Variants in GNAT3 observed in about 807,000 individuals in gnomAD.
The protein encoded by GNAT3 is guanine nucleotide-binding protein G(t) subunit alpha-3.
In GNAT3, 31 loss-of-function variants were observed where a neutral mutation model predicts 37.7. That is an observed-to-expected ratio of 0.82 (90% CI 0.62 to 1.11). The LOEUF is 1.11. GNAT3 is among the 50% of genes most tolerant of loss of function. The probability of loss-of-function intolerance (pLI) is 0.00; values close to 1 mark genes in which losing one functional copy is unlikely to be tolerated. For missense variants in GNAT3, 437 were observed against 412.5 expected (o/e 1.06, Z -0.51); for synonymous variants, 138 against 139.8 (o/e 0.99, Z 0.09).
In GNAT3 at chr7:80,486,101, T is replaced by G. The variant is rs1428195151; in HGVS notation, c.303+2434A>C. On this transcript the variant is annotated intron_variant, in intron 3 of 7. Coordinates refer to ENST00000398291, the MANE Select transcript of GNAT3 (RefSeq NM_001102386.3). Reference sequence around the variant, plus strand: ...TGTAGGTAGTGTTTAGCAATCAATCTGTTAAATAAACAATTTTAAACAGGT... The same window carrying G: ...TGTAGGTAGTGTTTAGCAATCAATCGGTTAAATAAACAATTTTAAACAGGT... Among the ~76,000 whole-genome samples the G allele has an allele frequency of 3.3e-5, 5 of 152,336 alleles. No homozygotes were observed. The East Asian group carries it at 9.6e-4, about 29-fold the overall frequency.
At chr7:80,460,911 G>A (rs1190533913) in intron 7 of GNAT3, among the ~76,000 whole-genome samples, 2 of 151,930 alleles carry the variant, frequency 1.3e-5, no homozygotes, top group Non-Finnish European at 2.9e-5. Flanking sequence ...GGAACTCTTT[G>A]TACTTTCTGT....
At chr7:80,478,141 C>A (rs978563815) in intron 4 of GNAT3, among the ~76,000 whole-genome samples, 3 of 152,354 alleles carry the variant, frequency 2.0e-5, no homozygotes, top group African/African-American at 7.2e-5. Flanking sequence ...AAATTCCTTA[C>A]TTCAAGCTGT....
At chr7:80,494,305 C>T (rs1790672468) in intron 2 of GNAT3, among the ~76,000 whole-genome samples, 2 of 152,002 alleles carry the variant, frequency 1.3e-5, no homozygotes, top group Admixed American at 6.6e-5. Context: ...AAATATTTAC[C>T]GTTAATGATC....
chr7:80,472,313 A>T (rs775190830), intron 5 of GNAT3, among the ~76,000 whole-genome samples: 3 of 152,096 alleles, frequency 2.0e-5, no homozygotes, highest in Non-Finnish European at 4.4e-5. Context: ...CAAGAGCTAC[A>T]ATCAGCCAGC....
At chr7:80,469,523 G>A (rs770758712) in intron 5 of GNAT3, among the ~76,000 whole-genome samples, 1 of 152,096 alleles carries the variant, frequency 6.6e-6, no homozygotes, top group African/African-American at 2.4e-5. Context: ...GTTCTGGTTT[G>A]ATAAGAACTC....
intron 5 of GNAT3, among the ~76,000 whole-genome samples, chr7:80,471,467 G>A (rs1379671560): frequency 6.6e-6 from 1 of 151,908 alleles, no homozygotes; most frequent in Non-Finnish European, 1.5e-5. Flanking sequence ...CTCAGAAAAT[G>A]ACCATGATTT....
At chr7:80,496,502 T>G (rs1790719579) in intron 1 of GNAT3, among the ~76,000 whole-genome samples, 1 of 150,808 alleles carries the variant, frequency 6.6e-6, no homozygotes, top group Non-Finnish European at 1.5e-5. Context: ...TTCACTTCTT[T>G]CCTAACACTT....
chr7:80,461,062 ATAT>A (rs994797182), intron 7 of GNAT3, among the ~76,000 whole-genome samples: 53 of 150,956 alleles, frequency 3.5e-4, no homozygotes, highest in African/African-American at 8.2e-4. Context: ...TATGCAAAAT[ATAT>A]TATTATACTT....
Position 80,484,548 on chromosome 7 carries a change from T to C in GNAT3, c.303+3987A>G, listed in dbSNP as rs75929399. ...TGCTCAAATTATGTAGTAAAAGTGT[T>C]ACAATTTTCAGCATTCTTTTATGTC... On this transcript the variant is annotated intron_variant, in intron 3 of 7. Transcript: ENST00000398291. 3.3e-3 allele frequency among the ~76,000 whole-genome samples: 495 copies of C among 152,172 alleles called. 4 individuals carry two copies. The highest frequency in any genetic ancestry group is 0.011 in the African/African-American group (473 of 41,556).
intron 3 of GNAT3, 60 bp downstream of exon 3, chr7:80,488,475 C>A: frequency 1.4e-6 from 2 of 1,415,530 alleles, no homozygotes; most frequent in East Asian, 4.8e-5. Flanking sequence ...ATTAAGTCCT[C>A]TTATTTTATG....
intron 1 of GNAT3, among the ~76,000 whole-genome samples, chr7:80,506,538 C>A (rs1031321789): frequency 6.6e-6 from 1 of 152,148 alleles, no homozygotes; most frequent in Admixed American, 6.5e-5. Flanking sequence ...TATTTGGCAA[C>A]TTTTCTGAAA....
At chr7:80,463,291 A>C (rs1790081857) in intron 5 of GNAT3, among the ~76,000 whole-genome samples, 1 of 152,040 alleles carries the variant, frequency 6.6e-6, no homozygotes, top group Non-Finnish European at 1.5e-5. Context: ...GTGTTTGAAA[A>C]CTCAGCCTTT....
Position 80,462,248 on chromosome 7 carries a change from G to A in GNAT3, c.785C>T (p.Thr262Ile), listed in dbSNP as rs1450242803. The A allele has an allele frequency of 6.2e-7, 1 of 1,611,472 alleles. No individual in the cohort carries two copies. Among genetic ancestry groups the A allele is most frequent in the Admixed American group, 1.7e-5 (1 of 59,944 alleles). The change falls in exon 7 of 8, where the codon ACC becomes ATC. Residue 262 changes from threonine (T) to isoleucine (I), a missense_variant. Coordinates refer to ENST00000398291, the MANE Select transcript of GNAT3 (RefSeq NM_001102386.3). ...SICNHKYFST[T>I]SIVLFLNKKD... is the part of the protein sequence containing the mutation. ...TTTGTTGAGGAACAGGACAATGGAG[G>A]TTGTTGAAAAATACTTGTGATTACA... is the stretch of plus-strand genomic sequence containing the variant.
At position 80,458,650 on chromosome 7, in the gene GNAT3, A is replaced by T; in HGVS notation, c.*21T>A. ...ATTTTGAAAAGCATACATGAGCAAG[A>T]GTGGAAGAGAAAATAGTTGATTAGA... On this transcript the variant is annotated 3_prime_UTR_variant, in exon 8 of 8. Transcript: ENST00000398291. The T allele has an allele frequency of 7.2e-7, 1 of 1,383,102 alleles. No homozygotes were observed. Among genetic ancestry groups the T allele is most frequent in the Non-Finnish European group, 9.8e-7 (1 of 1,016,610 alleles). The allele number at this position is 1,383,102 out of a possible 1,614,324, so 85.7% of individuals were successfully genotyped here.
intron 5 of GNAT3, among the ~76,000 whole-genome samples, chr7:80,466,098 A>G (rs1473123): frequency 2.6e-5 from 4 of 151,902 alleles, no homozygotes; most frequent in South Asian, 2.1e-4. Context: ...AGGGGGGGAA[A>G]ATAAAAAACC....
In GNAT3 at chr7:80,488,605, A is replaced by T. The variant is rs573082324; in HGVS notation, c.233T>A (p.Leu78Ter). 2 of 1,595,356 alleles carry T rather than the reference A, an allele frequency of 1.3e-6. No homozygotes were observed. Among genetic ancestry groups the T allele is most frequent in the African/African-American group, 1.3e-5 (1 of 74,766 alleles). Residue 78 changes from leucine (L) to a stop codon, truncating the protein, a stop_gained, in exon 3 of 8, where the codon TTG becomes TAG. Coordinates refer to ENST00000398291, the MANE Select transcript of GNAT3 (RefSeq NM_001102386.3). LOFTEE classifies it high-confidence loss of function. ...EFKAVIYSNTLQSILAIVKAM... is the reference protein window; with the variant it reads ...EFKAVIYSNT ...TTTCACAATAGCTAGGATGGATTGC[A>T]ATGTATTACTGTAAATTACTGCTTT...
At chr7:80,494,040 T>C (rs1790666358) in intron 2 of GNAT3, among the ~76,000 whole-genome samples, 1 of 152,336 alleles carries the variant, frequency 6.6e-6, no homozygotes, top group African/African-American at 2.4e-5. Context: ...GCCATGAGGT[T>C]TCACCCATTT....
At chr7:80,499,183 A>G (rs1266939167) in intron 1 of GNAT3, among the ~76,000 whole-genome samples, 1 of 152,146 alleles carries the variant, frequency 6.6e-6, no homozygotes, top group Non-Finnish European at 1.5e-5. Flanking sequence ...CGTGAGAAAA[A>G]TGAATCCAAT....
At chr7:80,501,821 CAT>C (rs1197465744) in intron 1 of GNAT3, among the ~76,000 whole-genome samples, 1 of 151,684 alleles carries the variant, frequency 6.6e-6, no homozygotes, top group Non-Finnish European at 1.5e-5. Flanking sequence ...TATCAGTAAA[CAT>C]ATGGTGTCAG....
Sources: allele counts gnomAD v4.1 joint callset (sites outside exome capture counted in the v4.1 genomes callset), GRCh38; gene constraint gnomAD v4.1.1; transcripts MANE v1.5; gene names NCBI Gene and HGNC (gene_info 2026-07-23, HGNC 2026-07-21).